SLC5A4: variants seen among roughly 807,000 people sequenced by gnomAD.
SLC5A4 encodes the protein solute carrier family 5 member 4, also known as probable glucose sensor protein SLC5A4.
In SLC5A4, 55 loss-of-function variants were observed where a neutral mutation model predicts 70.3. The observed-to-expected ratio is 0.78, with a 90% CI of 0.63 to 0.98. The LOEUF is 0.98. Ranked by LOEUF, SLC5A4 falls within the 50% of genes least tolerant of loss-of-function variation. The pLI is 0.00. For missense variants in SLC5A4, 735 were observed against 839.2 expected, an observed-to-expected ratio of 0.88 and a Z score of 1.53; for synonymous variants, 268 against 305.7, an observed-to-expected ratio of 0.88 and a Z score of 1.29.
chr22:32,325,433 G>A, the SLC5A4 span, among the ~76,000 whole-genome samples: 4 of 152,328 alleles, frequency 2.6e-5, no homozygotes, highest in East Asian at 3.9e-4. Context: ...TTGTTGGGAC[G>A]ACAGGTCACT....
At chr22:32,287,337 C>T in the SLC5A4 span, among the ~76,000 whole-genome samples, 1 of 152,112 alleles carries the variant, frequency 6.6e-6, no homozygotes, top group African/African-American at 2.4e-5. Flanking sequence ...GAACAAGGAA[C>T]AAGGGACTTC....
the SLC5A4 span, among the ~76,000 whole-genome samples, chr22:32,284,244 T>C: frequency 6.6e-6 from 1 of 152,230 alleles, no homozygotes; most frequent in Admixed American, 6.5e-5. Context: ...AAGCATAATA[T>C]GTGTATGTAT....
the SLC5A4 span, chr22:32,268,537 C>G: frequency 6.6e-6 from 1 of 152,574 alleles, no homozygotes; most frequent in Admixed American, 6.5e-5. Context: ...GGAGCCCCAG[C>G]TGACAATTCT....
chr22:32,341,588 C>G, the SLC5A4 span, among the ~76,000 whole-genome samples: 8 of 152,152 alleles, frequency 5.3e-5, no homozygotes, highest in African/African-American at 1.7e-4. Flanking sequence ...TCAACAGAGC[C>G]GTGAACAGCG....
At chr22:32,275,966 A>T in the SLC5A4 span, among the ~76,000 whole-genome samples, 2 of 152,216 alleles carry the variant, frequency 1.3e-5, no homozygotes, top group Non-Finnish European at 2.9e-5. Context: ...TCTGATGGCC[A>T]GTGATAATGA....
At chr22:32,292,181 ATATATAATACATACTAGATAT>A in the SLC5A4 span, among the ~76,000 whole-genome samples, 31 of 56,650 alleles carry the variant, frequency 5.5e-4, no homozygotes, top group Middle Eastern at 0.012. Context: ...ACTAGATATT[ATATATAATACATACTAGATAT>A]TATATAATAT....
intron 3 of SLC5A4, among the ~76,000 whole-genome samples, chr22:32,251,149 CAAAAAAAAAAAAAA>C (rs1169115054): frequency 2.6e-4 from 6 of 22,768 alleles, no homozygotes; most frequent in Admixed American, 1.4e-3. Flanking sequence ...AACAAATAAG[CAAAAAAAAAAAAAA>C]AAAAAAAAAA....
chr22:32,306,175 C>A, the SLC5A4 span, among the ~76,000 whole-genome samples: 2 of 152,166 alleles, frequency 1.3e-5, no homozygotes, highest in Non-Finnish European at 2.9e-5. Flanking sequence ...ATAAAAATTA[C>A]TGTATATAGG....
At chr22:32,330,883 G>T in the SLC5A4 span, among the ~76,000 whole-genome samples, 96,993 of 97,316 alleles carry the variant, frequency 1, 48,341 homozygotes, top group Middle Eastern at 1. Flanking sequence ...CTGCTGTGTA[G>T]GAGTGTTGGG....
the SLC5A4 span, among the ~76,000 whole-genome samples, chr22:32,353,833 A>C: frequency 1.4e-5 from 2 of 144,188 alleles, no homozygotes; most frequent in African/African-American, 2.6e-5. Flanking sequence ...CCCCAACCAG[A>C]CCCCTGCTGG....
Position 32,220,998 on chromosome 22 carries a change from G to A in SLC5A4, c.1690C>T (p.Arg564Trp), listed in dbSNP as rs139861447. 2,127 of 1,613,522 alleles carry A rather than the reference G, an allele frequency of 1.3e-3. 4 individuals are homozygous for A. Among genetic ancestry groups the A allele is most frequent in the Admixed American group, 1.6e-3 (98 of 59,996 alleles). ...TCGATTCGCTCCTCTGTACTGTTCC[G>A]AAGAACCCAGCACAGGCGGTACAGC... ...VHLYRLCWVL[R>W]NSTEERIDID... The change falls in exon 14 of 15, where the codon CGG becomes TGG. Residue 564 changes from arginine to tryptophan, a missense_variant. Transcript: ENST00000266086.
At chr22:32,323,893 C>G in the SLC5A4 span, among the ~76,000 whole-genome samples, 1 of 150,778 alleles carries the variant, frequency 6.6e-6, no homozygotes, top group African/African-American at 2.4e-5. Flanking sequence ...TTTGCTGCTG[C>G]AGGCTGATAT....
At chr22:32,227,536 A>G (rs1981014175) in intron 11 of SLC5A4, among the ~76,000 whole-genome samples, 1 of 152,260 alleles carries the variant, frequency 6.6e-6, no homozygotes, top group African/African-American at 2.4e-5. Flanking sequence ...TGAAAAGAGT[A>G]GACAAATTCT....
chr22:32,281,518 C>CTTTAT, the SLC5A4 span, among the ~76,000 whole-genome samples: 2 of 152,182 alleles, frequency 1.3e-5, no homozygotes, highest in African/African-American at 2.4e-5. Context: ...GTTTCTCCAT[C>CTTTAT]TTTATTTTAT....
chr22:32,327,128 C>T, the SLC5A4 span: 1 of 152,234 alleles, frequency 6.6e-6, no homozygotes, highest in Admixed American at 6.5e-5. Flanking sequence ...ACATAATACC[C>T]AAGAGAGATG....
At chr22:32,336,543 G>A in the SLC5A4 span, among the ~76,000 whole-genome samples, 8 of 152,232 alleles carry the variant, frequency 5.3e-5, no homozygotes, top group African/African-American at 1.7e-4. Flanking sequence ...CAGGCAGCAC[G>A]TCCCCAGAAA....
chr22:32,347,916 AT>A, the SLC5A4 span, among the ~76,000 whole-genome samples: 3 of 151,946 alleles, frequency 2.0e-5, no homozygotes, highest in Non-Finnish European at 2.9e-5. Context: ...CAAAAAAAAA[AT>A]CAATGCCTAT....
intron 2 of SLC5A4, 60 bp downstream of exon 2, chr22:32,254,082 A>T: frequency 7.6e-7 from 1 of 1,313,782 alleles, no homozygotes; most frequent in Non-Finnish European, 1.1e-6. Flanking sequence ...CACCCAGCCT[A>T]CATTCAGTTT....
intron 3 of SLC5A4, 147 bp from the exon 4 acceptor site, chr22:32,248,949 T>C (rs1326496455): frequency 3.4e-6 from 2 of 593,884 alleles, no homozygotes; most frequent in Non-Finnish European, 6.1e-6. Flanking sequence ...CCAAGACAAT[T>C]GTGAGTTCCT....
Sources: gnomAD v4.1 joint callset for allele counts (sites outside exome capture counted in the v4.1 genomes callset) on GRCh38, gnomAD v4.1.1 for gene constraint, MANE v1.5 for transcripts, NCBI Gene and HGNC (gene_info 2026-07-23, HGNC 2026-07-21) for gene names.